Variants in LOXL2 observed in about 807,000 individuals in gnomAD.
The protein encoded by LOXL2 is lysyl oxidase like 2.
LOXL2 carries 70 observed loss-of-function variants against 93.0 expected under a neutral mutation model. The ratio of observed to expected loss-of-function variants is 0.75; its 90% CI spans 0.62 to 0.92. The LOEUF (loss-of-function observed/expected upper bound fraction) is 0.92, where lower values mean the gene tolerates loss of function less well. LOXL2 is among the 40% of genes least tolerant of loss of function. The pLI is 0.00. For missense variants in LOXL2, 973 were observed against 1,054.9 expected (o/e 0.92, Z 1.08); for synonymous variants, 438 against 413.2 (o/e 1.06, Z -0.73).
chr8:23,301,215 G>A (rs1391286602), intron 12 of LOXL2, among the ~76,000 whole-genome samples: 1 of 152,238 alleles, frequency 6.6e-6, no homozygotes, highest in Non-Finnish European at 1.5e-5. Context: ...AGATGGGTGA[G>A]GACGTAGGAG....
At chr8:23,397,307 C>A (rs1009298579) in intron 1 of LOXL2, among the ~76,000 whole-genome samples, 8 of 152,304 alleles carry the variant, frequency 5.3e-5, no homozygotes, top group African/African-American at 1.7e-4. Context: ...AGTGTCAACA[C>A]ACTTAACGCC....
intron 9 of LOXL2, among the ~76,000 whole-genome samples, chr8:23,314,748 A>C (rs5006881): frequency 0.79 from 118,672 of 150,574 alleles, 46,876 homozygotes; most frequent in South Asian, 0.87. Context: ...ACATATGTAA[A>C]TAACCTGCAC....
At chr8:23,307,036 C>T (rs1460312080) in intron 10 of LOXL2, among the ~76,000 whole-genome samples, 1 of 152,240 alleles carries the variant, frequency 6.6e-6, no homozygotes, top group East Asian at 1.9e-4. Context: ...GAGGTAGCGT[C>T]AATTAAACTG....
Position 23,303,410 on chromosome 8 carries a change from A to G in LOXL2, c.1881-13T>C, listed in dbSNP as rs759018034. Reference sequence around the variant, plus strand: ...GCTGTGGTAGTGCCTGGAGCGAGAGAGAGATGGCCTGGAGGTCAGTTTCTG... The same window carrying G: ...GCTGTGGTAGTGCCTGGAGCGAGAGGGAGATGGCCTGGAGGTCAGTTTCTG... On this transcript the variant is annotated splice_polypyrimidine_tract_variant and intron_variant, in intron 10 of 13. Transcript: ENST00000389131. The G allele has an allele frequency of 3.3e-6, 5 of 1,501,038 alleles. No individual in the cohort carries two copies. Among genetic ancestry groups the G allele is most frequent in the Non-Finnish European group, 3.7e-6 (4 of 1,078,196 alleles). 93.0% of individuals were successfully genotyped at this position (1,501,038 alleles called of 1,614,324 possible). A position where few individuals can be genotyped will look rare whatever the true frequency, so the allele number is the denominator to read the frequency against.
chr8:23,329,404 G>C (rs1803637758), intron 5 of LOXL2, among the ~76,000 whole-genome samples: 1 of 152,184 alleles, frequency 6.6e-6, no homozygotes, highest in South Asian at 2.1e-4. Flanking sequence ...TCTCCTTGTG[G>C]GCTTTACTGA....
rs957820916 is a variant in LOXL2, at chr8:23,334,729, A to G, written c.744-1106T>C. ...ACTGATAAGTAATAGATTGGCTACC[A>G]AAAAGGATACTGTACCTCAGTTTCT... On this transcript the variant is annotated intron_variant, in intron 4 of 13. Coordinates refer to ENST00000389131, the MANE Select transcript of LOXL2 (RefSeq NM_002318.3). Among the ~76,000 whole-genome samples the G allele has an allele frequency of 3.3e-5, 5 of 151,514 alleles. 1 individual carries two copies. In the South Asian group the frequency reaches 1.0e-3, roughly 32 times the overall value.
intron 1 of LOXL2, among the ~76,000 whole-genome samples, chr8:23,394,498 A>G (rs1800062759): frequency 6.6e-6 from 1 of 152,160 alleles, no homozygotes; most frequent in Non-Finnish European, 1.5e-5. Flanking sequence ...ACAAGCACAT[A>G]AAAAGGTGTG....
chr8:23,380,414 C>T (rs1467425373), intron 1 of LOXL2, among the ~76,000 whole-genome samples: 2 of 67,968 alleles, frequency 2.9e-5, no homozygotes, highest in East Asian at 1.3e-3. Context: ...AAAAAAAAGA[C>T]ATCTTAATCT....
chr8:23,393,789 AG>A (rs1258504168), intron 1 of LOXL2, among the ~76,000 whole-genome samples: 7 of 152,346 alleles, frequency 4.6e-5, no homozygotes, highest in African/African-American at 1.7e-4. Context: ...GTGAGAAAAA[AG>A]GGTGATGACC....
intron 12 of LOXL2, among the ~76,000 whole-genome samples, chr8:23,299,618 C>T (rs1355272155): frequency 6.6e-6 from 1 of 152,058 alleles, no homozygotes; most frequent in Admixed American, 6.5e-5. Flanking sequence ...GGGAGGTTTA[C>T]GGTGAGGACC....
intron 1 of LOXL2, among the ~76,000 whole-genome samples, chr8:23,372,868 T>G (rs1047645642): frequency 1.3e-5 from 2 of 152,226 alleles, no homozygotes; most frequent in African/African-American, 4.8e-5. Flanking sequence ...AAGATGTGAA[T>G]GACATAATTA....
intron 10 of LOXL2, among the ~76,000 whole-genome samples, chr8:23,307,049 A>G (rs151195607): frequency 6.6e-6 from 1 of 152,328 alleles, no homozygotes; most frequent in East Asian, 1.9e-4. Context: ...TTAAACTGGA[A>G]ATGGCATTTT....
intron 1 of LOXL2, among the ~76,000 whole-genome samples, chr8:23,385,153 G>A (rs1804740085): frequency 6.6e-6 from 1 of 152,044 alleles, no homozygotes; most frequent in Non-Finnish European, 1.5e-5. Context: ...TGTTCGAACA[G>A]GATCACCTCT....
intron 1 of LOXL2, among the ~76,000 whole-genome samples, chr8:23,403,056 C>T (rs1234318506): frequency 1.3e-5 from 2 of 152,148 alleles, no homozygotes; most frequent in Admixed American, 6.5e-5. Flanking sequence ...CCAATCATCT[C>T]TATTCCAGCG....
intron 1 of LOXL2, among the ~76,000 whole-genome samples, chr8:23,403,652 T>C (rs1473667291): frequency 6.6e-6 from 1 of 150,908 alleles, no homozygotes; most frequent in South Asian, 2.1e-4. Flanking sequence ...TGACGGGCTC[T>C]GTCCCGCCTG....
At chr8:23,315,735 A>G (rs910097322) in intron 9 of LOXL2, among the ~76,000 whole-genome samples, 2 of 152,150 alleles carry the variant, frequency 1.3e-5, no homozygotes, top group African/African-American at 4.8e-5. Context: ...CCCCTAGTAC[A>G]CATTTGTAAA....
chr8:23,395,471 T>G (rs547536422), intron 1 of LOXL2, among the ~76,000 whole-genome samples: 173 of 152,314 alleles, frequency 1.1e-3, no homozygotes, highest in African/African-American at 4.0e-3. Flanking sequence ...TTTGTGTTGA[T>G]GAAAACATTT....
At chr8:23,310,472 A>G (rs569138602) in intron 9 of LOXL2, among the ~76,000 whole-genome samples, 46 of 152,362 alleles carry the variant, frequency 3.0e-4, no homozygotes, top group Admixed American at 1.4e-3. Context: ...ATATTTTCAC[A>G]TTGACATATA....
rs190755223 is a variant in LOXL2 at position 23,306,387 on chromosome 8, C to T, written c.1881-2990G>A. 2.0e-5 allele frequency among the ~76,000 whole-genome samples: 3 copies of T among 152,340 alleles called. No homozygotes were observed. In the East Asian group the frequency reaches 5.8e-4, roughly 29 times the overall value. ...AGGTGCTCTGCCACGGTGGGGGCAA[C>T]ACTCCTGTCCTCGTTTCAGAAAACA... is the stretch of plus-strand genomic sequence containing the variant. On this transcript the variant is annotated intron_variant, in intron 10 of 13. Transcript: ENST00000389131.
Sources: gnomAD v4.1 joint callset for allele counts (sites outside exome capture counted in the v4.1 genomes callset) on GRCh38, gnomAD v4.1.1 for gene constraint, MANE v1.5 for transcripts, NCBI Gene and HGNC (gene_info 2026-07-23, HGNC 2026-07-21) for gene names.